Variants in MDFIC2 observed in about 807,000 individuals in gnomAD.
MDFIC2 encodes the protein myoD family inhibitor domain-containing protein 2.
chr3:70,210,144 A>G (rs1701329308), intron 2 of MDFIC2, among the ~76,000 whole-genome samples: 2 of 152,244 alleles, frequency 1.3e-5, no homozygotes, highest in Non-Finnish European at 2.9e-5. Flanking sequence ...CGGCGAATAC[A>G]GTATACAGCC....
intron 2 of MDFIC2, among the ~76,000 whole-genome samples, chr3:70,209,977 A>G (rs1044902066): frequency 6.6e-6 from 1 of 152,128 alleles, no homozygotes; most frequent in African/African-American, 2.4e-5. Flanking sequence ...CTTGATGAGT[A>G]TGGAGATTGC....
chr3:70,277,064 C>G (rs1490553645), intron 2 of MDFIC2, among the ~76,000 whole-genome samples: 1 of 151,868 alleles, frequency 6.6e-6, no homozygotes, highest in African/African-American at 2.4e-5. Flanking sequence ...TGAGTGAAAT[C>G]AGAATTATTG....
chr3:70,289,188 C>T (rs1235856842), intron 2 of MDFIC2, among the ~76,000 whole-genome samples: 20 of 145,786 alleles, frequency 1.4e-4, no homozygotes, highest in Non-Finnish European at 2.0e-4. Context: ...GATTTTGCAG[C>T]GGCTGGTACC....
intron 2 of MDFIC2, among the ~76,000 whole-genome samples, chr3:70,292,887 T>C (rs1235949392): frequency 6.6e-6 from 1 of 151,968 alleles, no homozygotes; most frequent in Non-Finnish European, 1.5e-5. Flanking sequence ...TAATGAACTT[T>C]CAATAATAGC....
At chr3:70,208,028 T>C (rs1199148652) in intron 2 of MDFIC2, among the ~76,000 whole-genome samples, 1 of 152,006 alleles carries the variant, frequency 6.6e-6, no homozygotes, top group Non-Finnish European at 1.5e-5. Flanking sequence ...TAACTGAAAG[T>C]TACAGGATTG....
chr3:70,294,551 T>G (rs1189993034), intron 2 of MDFIC2, among the ~76,000 whole-genome samples: 2 of 152,180 alleles, frequency 1.3e-5, no homozygotes, highest in African/African-American at 4.8e-5. Context: ...TTATTGGGTG[T>G]GAAGTGCTCT....
chr3:70,255,136 A>G (rs1239515904), intron 2 of MDFIC2, among the ~76,000 whole-genome samples: 3 of 152,202 alleles, frequency 2.0e-5, no homozygotes, highest in African/African-American at 7.2e-5. Context: ...GAATTCTTAA[A>G]CCATGCTGCT....
chr3:70,304,426 C>A (rs921501523), intron 2 of MDFIC2, among the ~76,000 whole-genome samples: 15 of 152,160 alleles, frequency 9.9e-5, no homozygotes, highest in African/African-American at 2.7e-4. Context: ...CATGGGGATA[C>A]CTCAGAGGCA....
At chr3:70,287,317 A>G (rs1218799158) in intron 2 of MDFIC2, among the ~76,000 whole-genome samples, 2 of 145,376 alleles carry the variant, frequency 1.4e-5, no homozygotes, top group South Asian at 2.3e-4. Context: ...TGAGATAATC[A>G]TGTGGTTTTT....
intron 2 of MDFIC2, among the ~76,000 whole-genome samples, chr3:70,300,378 TTG>T (rs1440773868): frequency 2.6e-5 from 4 of 152,098 alleles, no homozygotes; most frequent in Non-Finnish European, 5.9e-5. Flanking sequence ...CGAGTATTAT[TTG>T]TGTTTGATTC....
intron 2 of MDFIC2, among the ~76,000 whole-genome samples, chr3:70,299,508 A>G (rs111586210): frequency 2.4e-4 from 36 of 152,200 alleles, no homozygotes; most frequent in African/African-American, 6.0e-4. Flanking sequence ...TGAATCCAGA[A>G]ATCTCTGTAA....
At chr3:70,244,833 A>T (rs1052078999) in intron 2 of MDFIC2, among the ~76,000 whole-genome samples, 94 of 152,334 alleles carry the variant, frequency 6.2e-4, no homozygotes, top group African/African-American at 2.0e-3. Context: ...TCACATTCCT[A>T]TGTGCTCTGC....
intron 3 of MDFIC2, among the ~76,000 whole-genome samples, chr3:70,199,088 G>C (rs1701209495): frequency 1.3e-5 from 2 of 152,164 alleles, no homozygotes; most frequent in African/African-American, 4.8e-5. Context: ...GAATGCTCAA[G>C]AGACTTACTC....
At chr3:70,292,663 A>C (rs1559556126) in intron 2 of MDFIC2, among the ~76,000 whole-genome samples, 2 of 152,112 alleles carry the variant, frequency 1.3e-5, no homozygotes, top group Non-Finnish European at 2.9e-5. Context: ...TGATTGATGA[A>C]AACAATTCAT....
chr3:70,292,487 A>G (rs963545940), intron 2 of MDFIC2, among the ~76,000 whole-genome samples: 7 of 152,160 alleles, frequency 4.6e-5, no homozygotes, highest in Non-Finnish European at 8.8e-5. Flanking sequence ...AATCGTAAAG[A>G]TGAAGCTTGA....
intron 2 of MDFIC2, among the ~76,000 whole-genome samples, chr3:70,266,307 A>G (rs575610094): frequency 3.9e-5 from 6 of 152,296 alleles, no homozygotes; most frequent in African/African-American, 1.2e-4. Flanking sequence ...TAATTCATAT[A>G]GCTCAACACT....
chr3:70,273,750 AT>A, intron 2 of MDFIC2, among the ~76,000 whole-genome samples: 1 of 152,262 alleles, frequency 6.6e-6, no homozygotes, highest in South Asian at 2.1e-4. Flanking sequence ...GCTTTTTCAG[AT>A]TTGTTTAGCA....
At chr3:70,292,694 T>G (rs6788696) in intron 2 of MDFIC2, among the ~76,000 whole-genome samples, 40,409 of 151,950 alleles carry the variant, frequency 0.27, 5,903 homozygotes, top group East Asian at 0.44. Context: ...TTTCTCTTTT[T>G]TGATGTACAC....
At chr3:70,310,203 T>G (rs1237235943) in intron 2 of MDFIC2, among the ~76,000 whole-genome samples, 5 of 152,096 alleles carry the variant, frequency 3.3e-5, no homozygotes. Context: ...TTAACAGAAA[T>G]GATTCTGGAA....
Sources: allele counts gnomAD v4.1 joint callset (sites outside exome capture counted in the v4.1 genomes callset), GRCh38; gene constraint gnomAD v4.1.1; transcripts MANE v1.5; gene names NCBI Gene and HGNC (gene_info 2026-07-23, HGNC 2026-07-21).